The following SPAG11A variants were observed in gnomAD, a reference collection of about 807,000 sequenced individuals.
SPAG11A encodes sperm associated antigen 11A.
SPAG11A carries 2 observed loss-of-function variants against 5.5 expected under a neutral mutation model. The ratio of observed to expected loss-of-function variants is 0.37; its 90% CI spans 0.15 to 1.15. The LOEUF (loss-of-function observed/expected upper bound fraction) is 1.15. Ranked by LOEUF, SPAG11A falls within the 50% of genes most tolerant of loss-of-function variation. The pLI is 0.38. For synonymous variants in SPAG11A, 11 were observed against 42.7 expected, an observed-to-expected ratio of 0.26 and a Z score of 2.90; for missense variants, 24 against 122.5, an observed-to-expected ratio of 0.20 and a Z score of 3.80.
At chr8:7,863,663 G>C (rs866655894), downstream of SPAG11A, 4 of 1,483,476 alleles carry the variant, frequency 2.7e-6, no homozygotes, top group African/African-American at 1.4e-5. Flanking sequence ...CCTCACCCAC[G>C]GTCTGTGGCT....
chr8:7,859,975 G>A (rs895661181), intron 2 of SPAG11A, among the ~76,000 whole-genome samples: 1 of 149,654 alleles, frequency 6.7e-6, no homozygotes, highest in Non-Finnish European at 1.5e-5. Context: ...GAGGTTGGAT[G>A]TTGTGCAAGA....
chr8:7,854,527 TAGAAAC>T (rs1395691849), intron 2 of SPAG11A, among the ~76,000 whole-genome samples: 1 of 148,992 alleles, frequency 6.7e-6, no homozygotes, highest in African/African-American at 2.4e-5. Context: ...AAAAAACAGG[TAGAAAC>T]TGATTTTTTT....
chr8:7,852,534 T>C (rs1485490943), intron 2 of SPAG11A, among the ~76,000 whole-genome samples: 1 of 152,138 alleles, frequency 6.6e-6, no homozygotes, highest in African/African-American at 2.4e-5. Flanking sequence ...GGTTTCTCCA[T>C]GTTGATCAGG....
chr8:7,852,362 G>A (rs1817954608), intron 2 of SPAG11A, among the ~76,000 whole-genome samples: 1 of 152,176 alleles, frequency 6.6e-6, no homozygotes, highest in South Asian at 2.1e-4. Flanking sequence ...TGCCCAGGCT[G>A]GAGTGCAATG....
chr8:7,857,443 CTTTTTTTTT>C (rs746499721), intron 2 of SPAG11A, among the ~76,000 whole-genome samples: 3 of 44,704 alleles, frequency 6.7e-5, no homozygotes, highest in African/African-American at 1.9e-4. Context: ...TTCTTTCTTT[CTTTTTTTTT>C]TTTTTTTTTT....
chr8:7,857,819 T>G (rs1310486551), intron 2 of SPAG11A, among the ~76,000 whole-genome samples: 1 of 89,984 alleles, frequency 1.1e-5, no homozygotes, highest in African/African-American at 3.0e-5. Context: ...CTCTTTGAGA[T>G]GCTCACACTG....
Position 7,860,536 on chromosome 8 carries a change from A to G in SPAG11A, c.215-110A>G, listed in dbSNP as rs1443157750. 6 of 1,356,952 alleles carry G rather than the reference A, an allele frequency of 4.4e-6. No individual in the cohort carries two copies. In the Admixed American group the frequency reaches 8.6e-5, roughly 20 times the overall value. 84.1% of individuals were successfully genotyped at this position (1,356,952 alleles called of 1,614,324 possible). A position where few individuals can be genotyped will look rare whatever the true frequency, so the allele number is the denominator to read the frequency against. On this transcript the variant is annotated intron_variant, in intron 2 of 2. Coordinates refer to ENST00000642566, the Ensembl canonical transcript of SPAG11A. ...GTTCGGTTAAACTGGGGCTTGTCCA[A>G]AAATACTTAGCCTTGTCAGAATATA...
rs545814923 is a variant in SPAG11A, at chr8:7,860,576, G to A, written c.215-70G>A. 31 of 1,386,486 alleles carry A rather than the reference G, an allele frequency of 2.2e-5. No individual in the cohort carries two copies. In the African/African-American group the frequency reaches 4.3e-4, roughly 19 times the overall value. The allele number at this position is 1,386,486 out of a possible 1,614,324, so 85.9% of individuals were successfully genotyped here. A position where few individuals can be genotyped will look rare whatever the true frequency, so the allele number is the denominator to read the frequency against. ...GTCAGAATATATAACCCTTGGCAGT[G>A]GGCTGGGTTCATCTTCTATTCTCTG... On this transcript the variant is annotated intron_variant, in intron 2 of 2. Coordinates refer to ENST00000642566, the Ensembl canonical transcript of SPAG11A.
chr8:7,859,969 T>C lies in SPAG11A; in HGVS notation c.215-677T>C, dbSNP rs1371459879. 2.3e-4 allele frequency among the ~76,000 whole-genome samples: 35 copies of C among 149,368 alleles called. No homozygotes were observed. In the East Asian group the frequency reaches 6.8e-3, roughly 29 times the overall value. On this transcript the variant is annotated intron_variant, in intron 2 of 2. Coordinates refer to ENST00000642566, the Ensembl canonical transcript of SPAG11A. Reference sequence around the variant, plus strand: ...TCAGGGATTAGACCCCGTTTGGAGGTTGGATGTTGTGCAAGAGTGTTTTCC... The same window carrying C: ...TCAGGGATTAGACCCCGTTTGGAGGCTGGATGTTGTGCAAGAGTGTTTTCC...
rs1374921841 is a variant in SPAG11A at position 7,860,749 on chromosome 8, T to C, written c.318T>C (p.Ser106=). The change falls in exon 3 of 3, where the codon TCT becomes TCC. Residue 106 remains serine (S), a synonymous_variant. Coordinates refer to ENST00000642566, the Ensembl canonical transcript of SPAG11A. ...GTGAGAAAAAGCGTGACATTAGCTC[T>C]GATCCCTGGAATAGGTGTTGCGTAT... The C allele has an allele frequency of 1.7e-5, 23 of 1,379,368 alleles. 5 individuals are homozygous for C. Among genetic ancestry groups the C allele is most frequent in the Non-Finnish European group, 2.1e-5 (22 of 1,024,722 alleles). The allele number at this position is 1,379,368 out of a possible 1,614,324, so 85.4% of individuals were successfully genotyped here.
rs1818179477 is a variant in SPAG11A, at chr8:7,860,626, C to T, written c.215-20C>T. 7.1e-7 allele frequency: 1 copy of T among 1,416,952 alleles called. No individual in the cohort carries two copies. The highest frequency in any genetic ancestry group is 1.9e-5 in the Admixed American group (1 of 53,732). The allele number at this position is 1,416,952 out of a possible 1,614,324, so 87.8% of individuals were successfully genotyped here. ...GCACTATATGAGTTAAATGTCAACTCTCTTCTGTTGTATCCATAGGGGATG... is the reference window on the plus strand; with the variant it reads ...GCACTATATGAGTTAAATGTCAACTTTCTTCTGTTGTATCCATAGGGGATG... On this transcript the variant is annotated intron_variant, in intron 2 of 2. Transcript: ENST00000642566.
chr8:7,861,111 A>G (rs1585712750), downstream of SPAG11A: 5 of 332,070 alleles, frequency 1.5e-5, no homozygotes, highest in East Asian at 9.1e-4. Flanking sequence ...CTCCAAACTG[A>G]TTTTCAGAGA....
rs750919646 is a variant in SPAG11A at position 7,860,372 on chromosome 8, A to G, written c.215-274A>G. 37 of 1,430,004 alleles carry G rather than the reference A, an allele frequency of 2.6e-5. 2 individuals carry two copies. Among genetic ancestry groups the G allele is most frequent in the Non-Finnish European group, 3.5e-5 (37 of 1,053,466 alleles). 88.6% of individuals were successfully genotyped at this position (1,430,004 alleles called of 1,614,324 possible). A position where few individuals can be genotyped will look rare whatever the true frequency, so the allele number is the denominator to read the frequency against. On this transcript the variant is annotated intron_variant, in intron 2 of 2. Coordinates refer to ENST00000642566, the Ensembl canonical transcript of SPAG11A. ...TGCACATCTCTCACCAGGAGGCTCG[A>G]GGACCCTCATTTAAGATCTGCGTGG...
intron 2 of SPAG11A, among the ~76,000 whole-genome samples, chr8:7,852,928 C>T: frequency 2.3e-5 from 1 of 43,716 alleles, no homozygotes; most frequent in Non-Finnish European, 6.2e-5. Flanking sequence ...TTTAAATAGT[C>T]TTATATTTGC....
intron 2 of SPAG11A, among the ~76,000 whole-genome samples, chr8:7,852,404 C>A (rs1220132217): frequency 6.6e-6 from 1 of 152,226 alleles, no homozygotes; most frequent in African/African-American, 2.4e-5. Context: ...ACCTCCACCT[C>A]CCGGGTTCAA....
chr8:7,863,668 G>C, downstream of SPAG11A: 1 of 1,479,472 alleles, frequency 6.8e-7, no homozygotes, highest in Non-Finnish European at 9.4e-7. Context: ...CCCACGGTCT[G>C]TGGCTCTGAC....
intron 2 of SPAG11A, among the ~76,000 whole-genome samples, chr8:7,858,659 G>A (rs1207767135): frequency 8.6e-5 from 6 of 69,502 alleles, no homozygotes; most frequent in African/African-American, 2.1e-4. Flanking sequence ...TTCTTGTTGT[G>A]GTGTGGAAAT....
intron 2 of SPAG11A, among the ~76,000 whole-genome samples, chr8:7,849,490 TGCCAA>T (rs1365299247): frequency 7.3e-6 from 1 of 136,836 alleles, no homozygotes; most frequent in Non-Finnish European, 1.6e-5. Context: ...GCTTCTTTAA[TGCCAA>T]GCTGATTGCT....
chr8:7,851,907 AC>A (rs1442089133), intron 2 of SPAG11A, among the ~76,000 whole-genome samples: 1 of 106,310 alleles, frequency 9.4e-6, no homozygotes, highest in Non-Finnish European at 2.0e-5. Context: ...AGGTCAGGGT[AC>A]TATATGTGTG....
Sources: gnomAD v4.1 joint callset for allele counts (sites outside exome capture counted in the v4.1 genomes callset) on GRCh38, gnomAD v4.1.1 for gene constraint, MANE v1.5 for transcripts, NCBI Gene and HGNC (gene_info 2026-07-23, HGNC 2026-07-21) for gene names.